TBX19: variants seen among roughly 807,000 people sequenced by gnomAD.
The protein encoded by TBX19 is T-box transcription factor 19, also known as T-box transcription factor TBX19.
TBX19 carries 33 observed loss-of-function variants against 40.9 expected under a neutral mutation model. The ratio of observed to expected loss-of-function variants is 0.81; its 90% confidence interval spans 0.61 to 1.08. The LOEUF is 1.08. Ranked by LOEUF, TBX19 falls within the 50% of genes least tolerant of loss-of-function variation. TBX19 has a pLI of 0.00. For missense variants in TBX19, 494 were observed against 574.0 expected (o/e 0.86, Z 1.42); for synonymous variants, 220 against 225.0 (o/e 0.98, Z 0.20).
At chr1:168,281,316 G>C in intron 1 of TBX19, 23 bp downstream of exon 1, 1 of 1,612,774 alleles carries the variant, frequency 6.2e-7, no homozygotes, top group Non-Finnish European at 8.5e-7. Flanking sequence ...GCCGCCCCGC[G>C]TGGGCTGGCA....
chr1:168,293,400 T>A (rs1031478346), intron 3 of TBX19, 122 bp downstream of exon 3: 1 of 1,271,100 alleles, frequency 7.9e-7, no homozygotes, highest in African/African-American at 1.5e-5. Flanking sequence ...TTTCCAGGAT[T>A]TGGATACACT....
intron 7 of TBX19, among the ~76,000 whole-genome samples, chr1:168,311,193 C>T (rs1649512544): frequency 6.6e-6 from 1 of 151,674 alleles, no homozygotes; most frequent in Non-Finnish European, 1.5e-5. Flanking sequence ...CAATCATGTG[C>T]CAAGTTGTAT....
Position 168,291,171 on chromosome 1 carries a change from C to T in TBX19, c.215C>T (p.Pro72Leu), listed in dbSNP as rs1648929119. 2 of 1,614,020 alleles carry T rather than the reference C, an allele frequency of 1.2e-6. No homozygotes were observed. Among genetic ancestry groups the T allele is most frequent in the Non-Finnish European group, 1.7e-6 (2 of 1,180,048 alleles). ...GCCTTTCCTTTTAGACGGATGTTTC[C>T]AGTCCTAAAGATTAGTGTCACAGGG... ...IVTKNGRRMF[P>L]VLKISVTGLD... The change falls in exon 2 of 8, where the codon CCA (proline) becomes CTA (leucine). Residue 72 changes from proline (P) to leucine (L), a missense_variant. Transcript: ENST00000367821.
In TBX19 at chr1:168,302,370, C is replaced by A. The variant is rs556696942; in HGVS notation, c.727+1887C>A. On this transcript the variant is annotated intron_variant, in intron 5 of 7. Coordinates refer to ENST00000367821, the MANE Select transcript of TBX19 (RefSeq NM_005149.3). Reference sequence around the variant, plus strand: ...AAGTATTAAGCGAAGGCGGTGGGTTCTAATATCAAGCTCCATTTCCTCATT... The same window carrying A: ...AAGTATTAAGCGAAGGCGGTGGGTTATAATATCAAGCTCCATTTCCTCATT... Among the ~76,000 whole-genome samples, 5 of 152,312 alleles carry A rather than the reference C, an allele frequency of 3.3e-5. No homozygotes were observed. The South Asian group carries it at 1.0e-3, about 32-fold the overall frequency.
intron 6 of TBX19, 23 bp from the exon 7 acceptor site, chr1:168,308,719 T>C (rs113112556): frequency 6.2e-7 from 1 of 1,614,120 alleles, no homozygotes; most frequent in South Asian, 1.1e-5. Flanking sequence ...TGCTATCAAT[T>C]CAACTGTTGT....
At chr1:168,311,216 CAT>C (rs1254127630) in intron 7 of TBX19, among the ~76,000 whole-genome samples, 1 of 151,866 alleles carries the variant, frequency 6.6e-6, no homozygotes, top group East Asian at 1.9e-4. Context: ...TAGATACTTA[CAT>C]ATATATAAGT....
At chr1:168,297,830 G>T in intron 4 of TBX19, 45 bp downstream of exon 4, 1 of 1,473,206 alleles carries the variant, frequency 6.8e-7, no homozygotes, top group Non-Finnish European at 9.5e-7. Context: ...AATGATTTAT[G>T]CAAATACAAA....
intron 4 of TBX19, 93 bp from the exon 5 acceptor site, chr1:168,300,329 T>C: frequency 4.4e-6 from 5 of 1,146,160 alleles, no homozygotes; most frequent in Non-Finnish European, 6.5e-6. Flanking sequence ...TTCTAAGAAA[T>C]TGATTGCTCT....
rs116295055 is a variant in TBX19, at chr1:168,294,021, G to A, written c.603+743G>A. On this transcript the variant is annotated intron_variant, in intron 3 of 7. Coordinates refer to ENST00000367821, the MANE Select transcript of TBX19 (RefSeq NM_005149.3). ...GGGTAAAGCTATACGGGTTTCTTCC[G>A]CTTTTGGAAACTCACTCCCCATGGA... Among the ~76,000 whole-genome samples, 783 of 152,080 alleles carry A rather than the reference G, an allele frequency of 5.1e-3. 8 individuals carry two copies. Among genetic ancestry groups the A allele is most frequent in the African/African-American group, 0.017 (724 of 41,480 alleles).
intron 7 of TBX19, among the ~76,000 whole-genome samples, chr1:168,310,599 G>A (rs941668593): frequency 6.6e-6 from 1 of 151,168 alleles, no homozygotes; most frequent in African/African-American, 2.4e-5. Context: ...CAAGTTGAGT[G>A]TAATACTCAC....
intron 6 of TBX19, among the ~76,000 whole-genome samples, chr1:168,307,539 A>G (rs1173318830): frequency 1.3e-5 from 2 of 152,054 alleles, no homozygotes; most frequent in Admixed American, 1.3e-4. Context: ...TTGCATTGGG[A>G]ATTAAGTTCC....
At chr1:168,311,855 C>T (rs1182593726) in intron 7 of TBX19, among the ~76,000 whole-genome samples, 2 of 152,146 alleles carry the variant, frequency 1.3e-5, no homozygotes, top group African/African-American at 2.4e-5. Flanking sequence ...AAAAAATCCT[C>T]GTACTCAGGC....
chr1:168,281,150 C>A lies in TBX19; in HGVS notation c.60C>A (p.Leu20=). The part of the protein sequence containing the change: ...KPSDGTVSHL[L]NVVESELQAG... ...GCGATGGCACTGTTTCTCATCTGCT[C>A]AATGTGGTGGAGAGTGAGCTTCAGG... The change falls in exon 1 of 8, where the codon CTC becomes CTA. Residue 20 remains leucine (L), a synonymous_variant. Transcript: ENST00000367821. The A allele has an allele frequency of 6.2e-7, 1 of 1,614,078 alleles. No homozygotes were observed. Among genetic ancestry groups the A allele is most frequent in the South Asian group, 1.1e-5 (1 of 91,060 alleles).
intron 4 of TBX19, among the ~76,000 whole-genome samples, chr1:168,298,541 G>C (rs1017614619): frequency 6.6e-6 from 1 of 152,108 alleles, no homozygotes; most frequent in Admixed American, 6.5e-5. Context: ...GAGACTTCTG[G>C]GGGTATGAGT....
intron 1 of TBX19, among the ~76,000 whole-genome samples, chr1:168,282,215 G>A (rs1648672614): frequency 6.6e-6 from 1 of 152,144 alleles, no homozygotes; most frequent in African/African-American, 2.4e-5. Context: ...TGACACCCTC[G>A]AGAGAATTCT....
chr1:168,292,131 T>C (rs763124255), intron 2 of TBX19, among the ~76,000 whole-genome samples: 3 of 152,188 alleles, frequency 2.0e-5, no homozygotes, highest in Non-Finnish European at 4.4e-5. Flanking sequence ...CCCACCTGCC[T>C]GTTTGGCTTT....
At chr1:168,311,134 G>A (rs1649510422) in intron 7 of TBX19, among the ~76,000 whole-genome samples, 1 of 151,868 alleles carries the variant, frequency 6.6e-6, no homozygotes, top group Admixed American at 6.6e-5. Flanking sequence ...TTGGGCTGTG[G>A]TAGGAAGTGA....
chr1:168,307,549 C>G (rs1335051132), intron 6 of TBX19, among the ~76,000 whole-genome samples: 1 of 152,110 alleles, frequency 6.6e-6, no homozygotes, highest in Non-Finnish European at 1.5e-5. Flanking sequence ...AATTAAGTTC[C>G]CAACACATGA....
At chr1:168,284,353 G>T (rs562147496) in intron 1 of TBX19, among the ~76,000 whole-genome samples, 3 of 152,078 alleles carry the variant, frequency 2.0e-5, no homozygotes, top group Non-Finnish European at 2.9e-5. Context: ...TTTGCAGAAA[G>T]AATTCATTTC....
Sources: allele counts gnomAD v4.1 joint callset (sites outside exome capture counted in the v4.1 genomes callset), GRCh38; gene constraint gnomAD v4.1.1; transcripts MANE v1.5; gene names NCBI Gene and HGNC (gene_info 2026-07-23, HGNC 2026-07-21).